Variants in ZNF408 observed in about 807,000 individuals in gnomAD.
ZNF408 encodes the protein PR domain zinc finger protein 17.
Under a neutral mutation model 27.6 loss-of-function variants are expected in ZNF408, and 24 were observed. The observed-to-expected ratio is 0.87, with a 90% CI of 0.63 to 1.22. The LOEUF is 1.22. ZNF408 is among the 50% of genes most tolerant of loss of function. The pLI is 0.00. For synonymous variants in ZNF408, 410 were observed against 396.1 expected (o/e 1.04, Z -0.42); for missense variants, 897 against 949.0 (o/e 0.95, Z 0.72).
Position 46,701,437 on chromosome 11 carries a change from C to T in ZNF408, c.91C>T (p.Pro31Ser), listed in dbSNP as rs776844216. Residue 31 changes from proline to serine, a missense_variant, in exon 2 of 5, where the codon CCT becomes TCT. Physicochemically the swap from Pro to Ser is moderately conservative, Grantham distance 74. Transcript: ENST00000311764. ...PRLGLDLGWN[P>S]SGEGCTQGLK... ...CCTGGGCCTGGACTTAGGATGGAAC[C>T]CTTCCGGAGAAGGCTGTACGCAGGG... 19 of 1,614,018 alleles carry T rather than the reference C, an allele frequency of 1.2e-5. No homozygotes were observed. The South Asian group carries it at 2.1e-4, about 18-fold the overall frequency.
In ZNF408 at chr11:46,704,735, C is replaced by A; in HGVS notation, c.1035C>A (p.Ser345Arg). 6.3e-7 allele frequency: 1 copy of A among 1,597,910 alleles called. No individual in the cohort carries two copies. The highest frequency in any genetic ancestry group is 8.5e-7 in the Non-Finnish European group (1 of 1,173,028). ...LSRSPPGPAG[S>R]SPKQGRRYRC... The stretch of plus-strand genomic sequence containing the variant: ...GGAGCCCTCCTGGCCCAGCAGGAAG[C>A]TCCCCAAAGCAGGGGCGACGGTACC... Residue 345 changes from serine (S) to arginine (R), a missense_variant, in exon 5 of 5, where the codon AGC becomes AGA. Ser to Arg is a moderately radical substitution (Grantham distance 110, BLOSUM62 -1). Transcript: ENST00000311764.
chr11:46,705,291 G>A lies in ZNF408; in HGVS notation c.1591G>A (p.Asp531Asn), dbSNP rs560055645. Residue 531 changes from aspartate to asparagine, a missense_variant, in exon 5 of 5, where the codon GAT (aspartate) becomes AAT (asparagine). By Grantham distance (23) the Asp-to-Asn change is conservative. Transcript: ENST00000311764. This position sits in a 1 kb window ranked among gnomAD's most constrained non-coding sequence, Gnocchi z 6.5. ...TCCTTACCGCTGCCCACACTGTGCCGATGCCTTCCCCCAGCTGCCTGAACT... is the reference window on the plus strand; with the variant it reads ...TCCTTACCGCTGCCCACACTGTGCCAATGCCTTCCCCCAGCTGCCTGAACT... ...ERPYRCPHCA[D>N]AFPQLPELRR... The A allele has an allele frequency of 1.8e-5, 29 of 1,611,888 alleles. No homozygotes were observed. The highest frequency in any genetic ancestry group is 1.6e-4 in the Middle Eastern group (1 of 6,082).
In ZNF408 at chr11:46,704,340, C is replaced by T; in HGVS notation, c.653-13C>T. 1 of 1,572,992 alleles carries T rather than the reference C, an allele frequency of 6.4e-7. No individual in the cohort carries two copies. ...AAGCTCCCTAAACCCAGTACCCCATCCTTGCCTTGCAGATCCTGGTTCCCA... is the reference window on the plus strand; with the variant it reads ...AAGCTCCCTAAACCCAGTACCCCATTCTTGCCTTGCAGATCCTGGTTCCCA... On this transcript the variant is annotated splice_polypyrimidine_tract_variant and intron_variant, in intron 4 of 4. Transcript: ENST00000311764.
intron 4 of ZNF408, among the ~76,000 whole-genome samples, chr11:46,703,784 T>TTTG (rs2064729775): frequency 1.4e-5 from 2 of 146,108 alleles, no homozygotes; most frequent in African/African-American, 2.5e-5. Flanking sequence ...TTTTTTTTTT[T>TTTG]TGAGATGGAG....
At position 46,704,831 on chromosome 11, in the gene ZNF408, C is replaced by T. The variant is rs751376671; in HGVS notation, c.1131C>T (p.Gly377=). ...AGAAGCACGCATTTGTGCACACGGGCCACAAGCCCTTTCTTTGCACTGAGT... is the reference window on the plus strand; with the variant it reads ...AGAAGCACGCATTTGTGCACACGGGTCACAAGCCCTTTCTTTGCACTGAGT... ...HLKKHAFVHT[G]HKPFLCTECG... Residue 377 remains glycine (G), a synonymous_variant, in exon 5 of 5, where the codon GGC becomes GGT. Coordinates refer to ENST00000311764, the MANE Select transcript of ZNF408 (RefSeq NM_024741.3). The T allele has an allele frequency of 1.9e-6, 3 of 1,600,730 alleles. No individual in the cohort carries two copies. Among genetic ancestry groups the T allele is most frequent in the Admixed American group, 1.7e-5 (1 of 58,598 alleles).
At position 46,705,026 on chromosome 11, in the gene ZNF408, T is replaced by G; in HGVS notation, c.1326T>G (p.Cys442Trp). 1 of 1,613,324 alleles carries G rather than the reference T, an allele frequency of 6.2e-7. No homozygotes were observed. The highest frequency in any genetic ancestry group is 8.5e-7 in the Non-Finnish European group (1 of 1,180,024). ...CCCGGCCCTTTGCTTGTGACCAGTG[T>G]GGCAAGGCCTTTGCCCGCCGGCCCT... is the stretch of plus-strand genomic sequence containing the variant. Reference protein sequence around the residue: ...SGARPFACDQCGKAFARRPSL... With the variant: ...SGARPFACDQWGKAFARRPSL... Residue 442 changes from cysteine to tryptophan, a missense_variant, in exon 5 of 5, where the codon TGT (cysteine) becomes TGG (tryptophan). By Grantham distance (215) the Cys-to-Trp change is radical. Transcript: ENST00000311764. This position sits in a 1 kb window ranked among gnomAD's most constrained non-coding sequence, Gnocchi z 6.5.
chr11:46,702,635 A>G, intron 2 of ZNF408, 69 bp from the exon 3 acceptor site: 4 of 1,506,592 alleles, frequency 2.7e-6, no homozygotes, highest in South Asian at 1.2e-5. Context: ...AGTTTCATCT[A>G]GTTTCTTTTT....
chr11:46,701,161 G>T (rs773021571), intron 1 of ZNF408, 62 bp downstream of exon 1: 53 of 1,613,180 alleles, frequency 3.3e-5, no homozygotes, highest in Non-Finnish European at 4.4e-5. Flanking sequence ...ACGCTCTGTG[G>T]TCAGCTTTCT....
intron 2 of ZNF408, among the ~76,000 whole-genome samples, chr11:46,702,108 T>G (rs536604447): frequency 6.6e-6 from 1 of 152,370 alleles, no homozygotes; most frequent in African/African-American, 2.4e-5. Context: ...TTATTTTTCT[T>G]TTTTCTTAGA....
rs746906617 is a variant in ZNF408 at position 46,701,622 on chromosome 11, A to G, written c.276A>G (p.Glu92=). 6.4e-5 allele frequency: 103 copies of G among 1,607,622 alleles called. No individual in the cohort carries two copies. Among genetic ancestry groups the G allele is most frequent in the Admixed American group, 1.8e-4 (11 of 59,722 alleles). ...CCGGCCTGCTGTGGGGGCCGCTGGA[A>G]GAGGAGTCTGCCTCCAAGGAGAAGG... ...LQPGLLWGPL[E]EESASKEKGE... The change falls in exon 2 of 5, where the codon GAA becomes GAG. Residue 92 remains glutamate, a synonymous_variant. Transcript: ENST00000311764.
intron 4 of ZNF408, among the ~76,000 whole-genome samples, chr11:46,703,669 TTC>T (rs1222848924): frequency 6.6e-6 from 1 of 152,140 alleles, no homozygotes; most frequent in African/African-American, 2.4e-5. Flanking sequence ...CCCATGTTTC[TTC>T]TCTCTGGCGT....
rs1383868514 is a variant in ZNF408, at chr11:46,703,168, G to T, written c.577G>T (p.Val193Leu). 2 of 1,156,062 alleles carry T rather than the reference G, an allele frequency of 1.7e-6. No individual in the cohort carries two copies. The highest frequency in any genetic ancestry group is 3.5e-5 in the South Asian group (2 of 57,124). 71.6% of individuals were successfully genotyped at this position (1,156,062 alleles called of 1,614,324 possible). ...PGLDKEAAVA[V>L]VTEVESAVQQ... ...GCTGGACAAAGAGGCAGCTGTAGCA[G>T]TGGTGACAGAAGTGGAGTCTGCTGT... is the stretch of plus-strand genomic sequence containing the variant. Residue 193 changes from valine to leucine, a missense_variant, in exon 4 of 5, where the codon GTG (valine) becomes TTG (leucine). Coordinates refer to ENST00000311764, the MANE Select transcript of ZNF408 (RefSeq NM_024741.3).
rs754673156 is a variant in ZNF408, at chr11:46,704,536, C to T, written c.836C>T (p.Ser279Leu). Reference protein sequence around the residue: ...AQMPPELQSNSATQQDPDGSG... With the variant: ...AQMPPELQSNLATQQDPDGSG... Reference sequence around the variant, plus strand: ...ATGCCACCTGAACTTCAGAGCAATTCGGCTACCCAGCAGGACCCAGATGGC... The same window carrying T: ...ATGCCACCTGAACTTCAGAGCAATTTGGCTACCCAGCAGGACCCAGATGGC... Residue 279 changes from serine to leucine, a missense_variant, in exon 5 of 5, where the codon TCG becomes TTG. Coordinates refer to ENST00000311764, the MANE Select transcript of ZNF408 (RefSeq NM_024741.3). 18 of 1,613,692 alleles carry T rather than the reference C, an allele frequency of 1.1e-5. No homozygotes were observed. Among genetic ancestry groups the T allele is most frequent in the Admixed American group, 3.3e-5 (2 of 59,966 alleles).
At chr11:46,701,734 A>G in intron 2 of ZNF408, 58 bp downstream of exon 2, 1 of 1,452,986 alleles carries the variant, frequency 6.9e-7, no homozygotes, top group Non-Finnish European at 9.1e-7. Context: ...AGGTTTGGAC[A>G]TTGCTAGACA....
intron 4 of ZNF408, 97 bp from the exon 5 acceptor site, chr11:46,704,254 CAG>C (rs2064733045): frequency 3.1e-6 from 4 of 1,310,256 alleles, no homozygotes; most frequent in East Asian, 4.7e-5. Flanking sequence ...CTCTAAGGCT[CAG>C]GGGCTGGGTG....
Position 46,704,431 on chromosome 11 carries a change from G to C in ZNF408, c.731G>C (p.Arg244Pro), listed in dbSNP as rs766111417. 6.2e-7 allele frequency: 1 copy of C among 1,614,158 alleles called. No homozygotes were observed. The highest frequency in any genetic ancestry group is 1.7e-5 in the Admixed American group (1 of 60,006). ...GGACTTAAGTTCCCAACCCAGGACC[G>C]AATTTCCAAGGATAGCCAGCCACTT... ...SPGLKFPTQD[R>P]ISKDSQPLGP... The change falls in exon 5 of 5, where the codon CGA becomes CCA. Residue 244 changes from arginine to proline, a missense_variant. Arg to Pro is a moderately radical substitution (Grantham distance 103). Transcript: ENST00000311764.
chr11:46,702,386 C>T (rs1225095657), intron 2 of ZNF408, among the ~76,000 whole-genome samples: 2 of 152,182 alleles, frequency 1.3e-5, no homozygotes, highest in African/African-American at 4.8e-5. Flanking sequence ...TGAGCCCCCG[C>T]GCCTGGCCCA....
Position 46,704,356 on chromosome 11 carries a change from C to T in ZNF408, c.656C>T (p.Pro219Leu), listed in dbSNP as rs370484737. 2 of 1,584,534 alleles carry T rather than the reference C, an allele frequency of 1.3e-6. No homozygotes were observed. The highest frequency in any genetic ancestry group is 1.3e-5 in the African/African-American group (1 of 74,516). Residue 219 changes from proline to leucine, a missense_variant, in exon 5 of 5, where the codon CCT becomes CTT. By Grantham distance (98) the Pro-to-Leu change is moderately conservative. Coordinates refer to ENST00000311764, the MANE Select transcript of ZNF408 (RefSeq NM_024741.3). The part of the protein sequence containing the change: ...GEDAAEPCID[P>L]GSQSPSGIQA... ...GTACCCCATCCTTGCCTTGCAGATC[C>T]TGGTTCCCAGTCACCCTCTGGCATC...
At position 46,703,211 on chromosome 11, in the gene ZNF408, C is replaced by A. The variant is rs754324403; in HGVS notation, c.620C>A (p.Ser207Tyr). ...TCTGCTGTACAGCAGGAAGTGGCCT[C>A]CCCTGGGGAGGATGCAGCAGAACCT... ...VESAVQQEVA[S>Y]PGEDAAEPCI... Residue 207 changes from serine (S) to tyrosine (Y), a missense_variant, in exon 4 of 5, where the codon TCC becomes TAC. Physicochemically the swap from Ser to Tyr is moderately radical, Grantham distance 144 (BLOSUM62 -2). Coordinates refer to ENST00000311764, the MANE Select transcript of ZNF408 (RefSeq NM_024741.3). 1.2e-6 allele frequency: 2 copies of A among 1,613,600 alleles called. No homozygotes were observed. Among genetic ancestry groups the A allele is most frequent in the African/African-American group, 1.3e-5 (1 of 75,036 alleles).
Sources: allele counts gnomAD v4.1 joint callset (sites outside exome capture counted in the v4.1 genomes callset), GRCh38; gene constraint gnomAD v4.1.1; non-coding constraint Gnocchi (gnomAD v3.1); transcripts MANE v1.5; gene names NCBI Gene and HGNC (gene_info 2026-07-23, HGNC 2026-07-21).